Variants in ATRN observed in about 807,000 individuals in gnomAD.
ATRN encodes the protein attractin-2.
Under a neutral mutation model 178.7 loss-of-function variants are expected in ATRN, and 54 were observed. The observed-to-expected ratio is 0.30, with a 90% CI of 0.24 to 0.38. The LOEUF (loss-of-function observed/expected upper bound fraction) is 0.38, where lower values mean the gene tolerates loss of function less well. Among genes scored for constraint, ATRN ranks in the 10% least tolerant of loss-of-function variants. ATRN has a pLI of 1.00. For missense variants in ATRN, 1,443 were observed against 1,815.1 expected, an observed-to-expected ratio of 0.79 and a Z score of 3.73; for synonymous variants, 636 against 663.0, an observed-to-expected ratio of 0.96 and a Z score of 0.63.
chr20:3,555,095 G>A (rs1469239520), intron 6 of ATRN, among the ~76,000 whole-genome samples: 3 of 147,458 alleles, frequency 2.0e-5, no homozygotes, highest in South Asian at 2.2e-4. Flanking sequence ...CCGCCCCCTG[G>A]GGTTCACGCC....
chr20:3,557,436 TA>T, intron 6 of ATRN, among the ~76,000 whole-genome samples: 1 of 152,290 alleles, frequency 6.6e-6, no homozygotes, highest in African/African-American at 2.4e-5. Context: ...GGTCCAAGAA[TA>T]GTGTACCCAG....
intron 1 of ATRN, among the ~76,000 whole-genome samples, chr20:3,477,002 C>T (rs1050822238): frequency 6.6e-6 from 1 of 152,030 alleles, no homozygotes; most frequent in Non-Finnish European, 1.5e-5. Context: ...ATCTGCTTTC[C>T]CCAGTGCAAT....
chr20:3,624,497 T>C lies in ATRN; in HGVS notation c.3802-14T>C, dbSNP rs1842562377. The C allele has an allele frequency of 6.2e-7, 1 of 1,611,082 alleles. No homozygotes were observed. Among genetic ancestry groups the C allele is most frequent in the Admixed American group, 1.7e-5 (1 of 59,932 alleles). ...ATGACCTGCATAATCACACTACCTG[T>C]TTTTCTGTCACAGATTGCCTTCTCT... is the stretch of plus-strand genomic sequence containing the variant. On this transcript the variant is annotated splice_polypyrimidine_tract_variant and intron_variant, in intron 24 of 28. Transcript: ENST00000262919.
chr20:3,628,691 C>A (rs1343983659), intron 25 of ATRN, among the ~76,000 whole-genome samples: 1 of 151,872 alleles, frequency 6.6e-6, no homozygotes, highest in Non-Finnish European at 1.5e-5. Context: ...AATGTAACCC[C>A]ACAGATTAAG....
At chr20:3,501,419 A>T (rs955621178) in intron 1 of ATRN, among the ~76,000 whole-genome samples, 2 of 152,172 alleles carry the variant, frequency 1.3e-5, no homozygotes, top group African/African-American at 4.8e-5. Context: ...ACTACAAGGA[A>T]CTTAGGGTAC....
chr20:3,572,672 T>A, intron 11 of ATRN, 59 bp from the exon 12 acceptor site: 5 of 1,397,534 alleles, frequency 3.6e-6, no homozygotes, highest in Non-Finnish European at 4.9e-6. Context: ...AAAAAAAGTA[T>A]AGCATCCAAT....
At chr20:3,541,527 G>A (rs867005735) in intron 3 of ATRN, among the ~76,000 whole-genome samples, 14 of 152,200 alleles carry the variant, frequency 9.2e-5, no homozygotes, top group Middle Eastern at 3.4e-3. Flanking sequence ...TGCTTATATG[G>A]TACAGCCTAT....
chr20:3,515,347 A>T (rs1028955971), intron 1 of ATRN, among the ~76,000 whole-genome samples: 1 of 152,166 alleles, frequency 6.6e-6, no homozygotes, highest in Non-Finnish European at 1.5e-5. Flanking sequence ...TCACCTACCT[A>T]GTGAATTAGG....
rs954030033 is a variant in ATRN, at chr20:3,549,178, T to C, written c.952T>C (p.Cys318Arg). The change falls in exon 6 of 29, where the codon TGT (cysteine) becomes CGT (arginine). Residue 318 changes from cysteine (C) to arginine (R), a missense_variant. By Grantham distance (180) the Cys-to-Arg change is radical. Coordinates refer to ENST00000262919, the MANE Select transcript of ATRN (RefSeq NM_139321.3). ...CATTATGTTTTTATTAGGTCCTGGATGTTCAGTTCCTGTACCAGCTAACCA... is the reference window on the plus strand; with the variant it reads ...CATTATGTTTTTATTAGGTCCTGGACGTTCAGTTCCTGTACCAGCTAACCA... ...SCFSDWQGPGCSVPVPANQSF... is the reference protein window; with the variant it reads ...SCFSDWQGPGRSVPVPANQSF... 1.5e-5 allele frequency: 24 copies of C among 1,603,556 alleles called. No individual in the cohort carries two copies. Among genetic ancestry groups the C allele is most frequent in the Non-Finnish European group, 2.0e-5 (23 of 1,176,540 alleles).
At chr20:3,517,410 C>A (rs557321191) in intron 1 of ATRN, among the ~76,000 whole-genome samples, 58 of 152,286 alleles carry the variant, frequency 3.8e-4, no homozygotes, top group Middle Eastern at 6.8e-3. Flanking sequence ...TTTGAGAATT[C>A]TTTTTACTTT....
At chr20:3,622,656 A>G (rs1170965307) in intron 24 of ATRN, among the ~76,000 whole-genome samples, 1 of 152,258 alleles carries the variant, frequency 6.6e-6, no homozygotes, top group East Asian at 1.9e-4. Context: ...GATGTTTCTA[A>G]GTGGTCAGTG....
intron 22 of ATRN, among the ~76,000 whole-genome samples, chr20:3,599,521 G>A (rs622099): frequency 0.2 from 29,724 of 152,134 alleles, 3,759 homozygotes; most frequent in East Asian, 0.56. Context: ...GATTCTTTCT[G>A]TGGAAAGACA....
In ATRN at chr20:3,597,958, T is replaced by C; in HGVS notation, c.3522T>C (p.Asp1174=). The C allele has an allele frequency of 2.5e-6, 4 of 1,612,592 alleles. No individual in the cohort carries two copies. ...QFTFSLSQED[D]RYYTAINFVA... ...CCTTTAGTCTATCCCAGGAAGATGA[T>C]CGCTATTACACAGCTATCAATTTTG... Residue 1174 remains aspartate (D), a synonymous_variant, in exon 22 of 29, where the codon GAT becomes GAC. Transcript: ENST00000262919.
At chr20:3,547,213 G>T in intron 4 of ATRN, 71 bp from the exon 5 acceptor site, 2 of 1,190,304 alleles carry the variant, frequency 1.7e-6, no homozygotes, top group South Asian at 1.3e-5. Flanking sequence ...AAACTTGTGT[G>T]GGAGGAAGTT....
chr20:3,625,074 T>C (rs1342645390), intron 25 of ATRN, among the ~76,000 whole-genome samples: 1 of 152,198 alleles, frequency 6.6e-6, no homozygotes, highest in African/African-American at 2.4e-5. Flanking sequence ...AGACAAATAA[T>C]TGAAAAAGAC....
chr20:3,530,044 A>G (rs1180504017), intron 1 of ATRN, among the ~76,000 whole-genome samples: 7 of 151,784 alleles, frequency 4.6e-5, no homozygotes, highest in Admixed American at 4.6e-4. Context: ...CAATAATTAT[A>G]ATAATATTAG....
At chr20:3,581,274 A>C (rs1201059941) in intron 15 of ATRN, among the ~76,000 whole-genome samples, 1 of 152,224 alleles carries the variant, frequency 6.6e-6, no homozygotes, top group African/African-American at 2.4e-5. Flanking sequence ...AGGGAGGGAA[A>C]TACAGTATAT....
At chr20:3,581,470 G>A (rs1173776401) in intron 15 of ATRN, among the ~76,000 whole-genome samples, 1 of 152,162 alleles carries the variant, frequency 6.6e-6, no homozygotes, top group African/African-American at 2.4e-5. Flanking sequence ...TGGATGAATG[G>A]ATAAAGCAAA....
At position 3,577,734 on chromosome 20, in the gene ATRN, A is replaced by G. The variant is rs138952774; in HGVS notation, c.2353+737A>G. On this transcript the variant is annotated intron_variant, in intron 14 of 28. Transcript: ENST00000262919. ...TTAAGGTACAGGAAAAGACCTGGGA[A>G]TCTTGCGAAAGGCATATTCTGGTGC... Among the ~76,000 whole-genome samples the G allele has an allele frequency of 1.3e-4, 20 of 152,268 alleles. No homozygotes were observed. The East Asian group carries it at 3.7e-3, about 28-fold the overall frequency.
Sources: allele counts gnomAD v4.1 joint callset (sites outside exome capture counted in the v4.1 genomes callset), GRCh38; gene constraint gnomAD v4.1.1; transcripts MANE v1.5; gene names NCBI Gene and HGNC (gene_info 2026-07-23, HGNC 2026-07-21).